Variants in F11R observed in about 807,000 individuals in gnomAD.
F11R encodes F11 receptor, also known as junctional adhesion molecule A.
In F11R, 27 loss-of-function variants were observed where a neutral mutation model predicts 39.3. The ratio of observed to expected loss-of-function variants is 0.69; its 90% CI spans 0.51 to 0.95. The LOEUF is 0.95. Ranked by LOEUF, F11R falls within the 40% of genes least tolerant of loss-of-function variation. The pLI is 0.00. For missense variants in F11R, 335 were observed against 372.7 expected (o/e 0.90, Z 0.83); for synonymous variants, 131 against 144.9 (o/e 0.90, Z 0.69).
At chr1:161,010,301 G>C (rs564064792) in intron 1 of F11R, among the ~76,000 whole-genome samples, 1 of 152,002 alleles carries the variant, frequency 6.6e-6, no homozygotes, top group African/African-American at 2.4e-5. Context: ...AAAATTAGCT[G>C]GGCATGGTGG....
At position 161,021,002 on chromosome 1, in the gene F11R, GA is replaced by G; in HGVS notation, c.64+7del. On this transcript the variant is annotated splice_region_variant and intron_variant, in intron 1 of 9. Transcript: ENST00000368026. ...CAACCGATTCCTCCCGAAACTCTGGGAACTTACACAACAGGATCGCCAATAT... is the reference window on the plus strand; with the variant it reads ...CAACCGATTCCTCCCGAAACTCTGGGACTTACACAACAGGATCGCCAATAT... The G allele has an allele frequency of 6.2e-7, 1 of 1,613,996 alleles. No individual in the cohort carries two copies. Among genetic ancestry groups the G allele is most frequent in the Non-Finnish European group, 8.5e-7 (1 of 1,179,894 alleles).
intron 3 of F11R, 90 bp downstream of exon 3, chr1:161,000,930 G>T: frequency 6.8e-7 from 1 of 1,468,696 alleles, no homozygotes; most frequent in Non-Finnish European, 9.5e-7. Context: ...GGTGTGCCCT[G>T]GGATAAGGGC....
chr1:161,012,537 TATAAAA>T (rs1649218033), intron 1 of F11R, among the ~76,000 whole-genome samples: 1 of 151,896 alleles, frequency 6.6e-6, no homozygotes, highest in South Asian at 2.1e-4. Context: ...CTCTGATCTC[TATAAAA>T]ATAAAAGAAA....
Position 161,000,189 on chromosome 1 carries a change from A to G in F11R, c.548T>C (p.Phe183Ser). 1 of 1,614,112 alleles carries G rather than the reference A, an allele frequency of 6.2e-7. No homozygotes were observed. Among genetic ancestry groups the G allele is most frequent in the Non-Finnish European group, 8.5e-7 (1 of 1,180,012 alleles). The change falls in exon 5 of 10, where the codon TTC (phenylalanine) becomes TCC (serine). Residue 183 changes from phenylalanine to serine, a missense_variant. Transcript: ENST00000368026. ...MPTNPKSTRA[F>S]SNSSYVLNPT... ...ATTCAGGACATAGGAAGAGTTGCTG[A>G]AGGCACGGGTGCTTTTGGGATTCGT... is the stretch of plus-strand genomic sequence containing the variant.
Position 161,021,001 on chromosome 1 carries a change from G to A in F11R, c.64+9C>T. The A allele has an allele frequency of 6.2e-7, 1 of 1,614,014 alleles. No individual in the cohort carries two copies. The highest frequency in any genetic ancestry group is 1.1e-5 in the South Asian group (1 of 91,070). On this transcript the variant is annotated intron_variant, in intron 1 of 9. Coordinates refer to ENST00000368026, the MANE Select transcript of F11R (RefSeq NM_016946.6). Reference sequence around the variant, plus strand: ...CCAACCGATTCCTCCCGAAACTCTGGGAACTTACACAACAGGATCGCCAAT... The same window carrying A: ...CCAACCGATTCCTCCCGAAACTCTGAGAACTTACACAACAGGATCGCCAAT...
chr1:161,010,649 C>T (rs113664320), intron 1 of F11R, among the ~76,000 whole-genome samples: 12 of 152,038 alleles, frequency 7.9e-5, no homozygotes, highest in African/African-American at 2.9e-4. Flanking sequence ...TAATCTCACC[C>T]CAATTTCTAG....
intron 1 of F11R, among the ~76,000 whole-genome samples, chr1:161,009,779 C>T (rs906130667): frequency 6.6e-6 from 1 of 151,808 alleles, no homozygotes; most frequent in Non-Finnish European, 1.5e-5. Flanking sequence ...ACCAGCCGGG[C>T]CAACATGATA....
At position 161,002,977 on chromosome 1, in the gene F11R, G is replaced by C. The variant is rs181300232; in HGVS notation, c.65-1624C>G. Among the ~76,000 whole-genome samples the C allele has an allele frequency of 9.3e-4, 138 of 147,770 alleles. 1 individual carries two copies. The highest frequency in any genetic ancestry group is 3.5e-3 in the Middle Eastern group (1 of 288). On this transcript the variant is annotated intron_variant, in intron 1 of 9. Transcript: ENST00000368026. ...ATTTGTTTTTTTTTTTTTTGAGACGGAGTTTCACTCCTGTTGCCCAGGCTG... is the reference window on the plus strand; with the variant it reads ...ATTTGTTTTTTTTTTTTTTGAGACGCAGTTTCACTCCTGTTGCCCAGGCTG...
intron 4 of F11R, 94 bp downstream of exon 4, chr1:161,000,537 G>T: frequency 6.4e-7 from 1 of 1,552,978 alleles, no homozygotes; most frequent in South Asian, 1.2e-5. Flanking sequence ...CCCACCTGTG[G>T]GTATTCTCAC....
intron 7 of F11R, 76 bp from the exon 8 acceptor site, chr1:160,999,484 CCCCCAGCT>C (rs2101966679): frequency 6.3e-7 from 1 of 1,599,370 alleles, no homozygotes; most frequent in Non-Finnish European, 8.6e-7. Flanking sequence ...GAGGGGCAGG[CCCCCAGCT>C]CTTGGTGTTA....
At chr1:161,001,236 G>C in intron 2 of F11R, 49 bp downstream of exon 2, 1 of 1,603,512 alleles carries the variant, frequency 6.2e-7, no homozygotes, top group Non-Finnish European at 8.5e-7. Flanking sequence ...ATCCCCAGGC[G>C]GCCGGCAACT....
chr1:160,998,676 A>G lies in F11R; in HGVS notation c.*195T>C. 2 of 618,946 alleles carry G rather than the reference A, an allele frequency of 3.2e-6. No homozygotes were observed. The highest frequency in any genetic ancestry group is 5.8e-6 in the Non-Finnish European group (2 of 344,642). The allele number at this position is 618,946 out of a possible 1,614,324, so 38.3% of individuals were successfully genotyped here. A position where few individuals can be genotyped will look rare whatever the true frequency, so the allele number is the denominator to read the frequency against. ...AAGTTCCAGGCCACTCAGCAGTGGT[A>G]GGAAAGGGAGGGAGGGCATGAAGGA... On this transcript the variant is annotated 3_prime_UTR_variant, in exon 10 of 10. Coordinates refer to ENST00000368026, the MANE Select transcript of F11R (RefSeq NM_016946.6).
rs1255786751 is a variant in F11R, at chr1:160,999,059, G to C, written c.848C>G (p.Pro283Arg). The C allele has an allele frequency of 6.2e-7, 1 of 1,614,242 alleles. No individual in the cohort carries two copies. The highest frequency in any genetic ancestry group is 1.7e-5 in the Admixed American group (1 of 60,028). The change falls in exon 9 of 10, where the codon CCT becomes CGT. Residue 283 changes from proline to arginine, a missense_variant. Transcript: ENST00000368026. ...CATACTCACTTCACTTCGGGCACTA[G>C]GCTGGCTGTAAATCACCTTCTTACT... The part of the protein sequence containing the change: ...TSSKKVIYSQ[P>R]SARSEGEFKQ...
intron 1 of F11R, 75 bp from the exon 2 acceptor site, chr1:161,001,428 G>T (rs1648485205): frequency 2.0e-5 from 26 of 1,290,286 alleles, no homozygotes; most frequent in Non-Finnish European, 1.5e-5. Context: ...CACAGACCCA[G>T]TGGACAGGGC....
In F11R at chr1:161,021,124, C is replaced by T. The variant is rs765640285; in HGVS notation, c.-51G>A. 1 of 1,533,504 alleles carries T rather than the reference C, an allele frequency of 6.5e-7. No homozygotes were observed. The highest frequency in any genetic ancestry group is 9.0e-7 in the Non-Finnish European group (1 of 1,110,418). The allele number at this position is 1,533,504 out of a possible 1,614,324, so 95.0% of individuals were successfully genotyped here. A position where few individuals can be genotyped will look rare whatever the true frequency, so the allele number is the denominator to read the frequency against. ...CCGCCGAAGGACTCCTGGGAACAGA[C>T]ACAGCTCCGCGACTACAGCGAGGGG... On this transcript the variant is annotated 5_prime_UTR_variant, in exon 1 of 10. Coordinates refer to ENST00000368026, the MANE Select transcript of F11R (RefSeq NM_016946.6).
At position 160,995,625 on chromosome 1, in the gene F11R, G is replaced by A. The variant is rs183616933; in HGVS notation, c.*3246C>T. On this transcript the variant is annotated 3_prime_UTR_variant, in exon 10 of 10. Transcript: ENST00000368026. ...AAATTAGCTGGGCATGGTGGCACAC[G>A]CCTATAGTCCCAGCTACTTAGGAGG... 273 of 152,284 alleles carry A rather than the reference G, an allele frequency of 1.8e-3. 2 individuals are homozygous for A. The highest frequency in any genetic ancestry group is 0.011 in the East Asian group (59 of 5,174). 9.4% of individuals were successfully genotyped at this position (152,284 alleles called of 1,614,324 possible).
At position 161,000,134 on chromosome 1, in the gene F11R, C is replaced by T. The variant is rs1011051386; in HGVS notation, c.591+12G>A. On this transcript the variant is annotated intron_variant, in intron 5 of 9. Transcript: ENST00000368026. ...ATCCCCCACACATCTTTCACCACCA[C>T]CCCATACATACCAGCTCTCCTGTTG... 1.9e-6 allele frequency: 3 copies of T among 1,613,876 alleles called. No individual in the cohort carries two copies. The highest frequency in any genetic ancestry group is 1.3e-5 in the African/African-American group (1 of 74,930).
chr1:160,999,449 G>A (rs749277323), intron 7 of F11R, 41 bp from the exon 8 acceptor site: 1 of 1,614,022 alleles, frequency 6.2e-7, no homozygotes, highest in African/African-American at 1.3e-5. Context: ...CAGCAGGACA[G>A]AAGACAGCAT....
intron 1 of F11R, among the ~76,000 whole-genome samples, chr1:161,012,600 T>TTTTATTTATTTATTTA (rs10649944): frequency 5.8e-4 from 83 of 144,228 alleles, no homozygotes; most frequent in East Asian, 1.6e-3. Context: ...AATTAATTAA[T>TTTTATTTATTTATTTA]TTTATTTATT....
Sources: gnomAD v4.1 joint callset for allele counts (sites outside exome capture counted in the v4.1 genomes callset) on GRCh38, gnomAD v4.1.1 for gene constraint, MANE v1.5 for transcripts, NCBI Gene and HGNC (gene_info 2026-07-23, HGNC 2026-07-21) for gene names.